Variants in SYN3 observed in about 807,000 individuals in gnomAD.
The protein encoded by SYN3 is synapsin III.
Under a neutral mutation model 65.8 loss-of-function variants are expected in SYN3, and 35 were observed. The observed-to-expected ratio is 0.53, with a 90% CI of 0.41 to 0.70. The LOEUF is 0.70. SYN3 is among the 30% of genes least tolerant of loss of function. The pLI is 0.00. For missense variants in SYN3, 680 were observed against 749.0 expected (o/e 0.91, Z 1.08); for synonymous variants, 270 against 292.9 (o/e 0.92, Z 0.80).
chr22:32,716,160 C>T (rs1219743046), intron 6 of SYN3, among the ~76,000 whole-genome samples: 1 of 152,180 alleles, frequency 6.6e-6, no homozygotes, highest in East Asian at 1.9e-4. Flanking sequence ...TTTCCTTCAG[C>T]GTTTTCCCTG....
chr22:33,027,637 C>CAA (rs150706198), intron 1 of SYN3, among the ~76,000 whole-genome samples: 13 of 149,590 alleles, frequency 8.7e-5, no homozygotes, highest in Middle Eastern at 3.5e-3. Context: ...GACAGACAGA[C>CAA]AGAGAGAGAG....
At chr22:33,029,641 A>G (rs2053714913) in intron 1 of SYN3, among the ~76,000 whole-genome samples, 1 of 152,146 alleles carries the variant, frequency 6.6e-6, no homozygotes, top group African/African-American at 2.4e-5. Context: ...TGGACATTGA[A>G]GCCCAAAATG....
intron 7 of SYN3, among the ~76,000 whole-genome samples, chr22:32,576,069 T>C (rs1159325950): frequency 6.6e-6 from 1 of 152,030 alleles, no homozygotes; most frequent in Non-Finnish European, 1.5e-5. Flanking sequence ...GTATTTGAGA[T>C]GCCCTCATTA....
rs746783982 is a variant in SYN3, at chr22:32,685,406, A to C, written c.712-88670T>G. On this transcript the variant is annotated intron_variant, in intron 6 of 13. Transcript: ENST00000358763. ...ATATAGTCATGTGCCACATAACGACACTGTAGTCAGTGATGAACCGCATAT... is the reference window on the plus strand; with the variant it reads ...ATATAGTCATGTGCCACATAACGACCCTGTAGTCAGTGATGAACCGCATAT... 3.4e-3 allele frequency among the ~76,000 whole-genome samples: 522 copies of C among 152,386 alleles called. 2 individuals are homozygous for C. Among genetic ancestry groups the C allele is most frequent in the Admixed American group, 5.9e-3 (90 of 15,310 alleles).
chr22:32,913,693 C>G (rs2050115871), intron 4 of SYN3, among the ~76,000 whole-genome samples: 1 of 152,082 alleles, frequency 6.6e-6, no homozygotes, highest in Non-Finnish European at 1.5e-5. Context: ...CACAGAAAGC[C>G]TGGCACAGGG....
chr22:33,020,515 A>G (rs944034187), intron 1 of SYN3, among the ~76,000 whole-genome samples: 1 of 152,160 alleles, frequency 6.6e-6, no homozygotes, highest in South Asian at 2.1e-4. Context: ...GATTCTTCCA[A>G]TGGTATAAGG....
At chr22:32,519,201 G>A (rs1031081123) in intron 12 of SYN3, among the ~76,000 whole-genome samples, 1 of 152,146 alleles carries the variant, frequency 6.6e-6, no homozygotes, top group African/African-American at 2.4e-5. Context: ...AATATAGGCA[G>A]GATCTGCGAT....
chr22:32,737,772 C>G (rs1432984087), intron 6 of SYN3, among the ~76,000 whole-genome samples: 2 of 152,194 alleles, frequency 1.3e-5, no homozygotes, highest in Non-Finnish European at 2.9e-5. Context: ...CCCATCCTCC[C>G]TAGAGATCAG....
At chr22:32,890,073 T>C (rs1179908888) in intron 4 of SYN3, among the ~76,000 whole-genome samples, 1 of 40,204 alleles carries the variant, frequency 2.5e-5, no homozygotes, top group Non-Finnish European at 5.3e-5. Flanking sequence ...ATTTAGCTGC[T>C]TTTTTTTTTT....
intron 9 of SYN3, among the ~76,000 whole-genome samples, chr22:32,537,279 C>A (rs1234298585): frequency 2.0e-5 from 3 of 152,144 alleles, no homozygotes; most frequent in Non-Finnish European, 4.4e-5. Context: ...CCTGCCTCAG[C>A]CTCCCGAGTA....
At chr22:32,827,381 C>A (rs1436778324) in intron 6 of SYN3, among the ~76,000 whole-genome samples, 1 of 152,238 alleles carries the variant, frequency 6.6e-6, no homozygotes, top group Non-Finnish European at 1.5e-5. Flanking sequence ...TACCCCGTTT[C>A]CTTGAAATCT....
chr22:33,019,336 C>G (rs144520150), intron 1 of SYN3, among the ~76,000 whole-genome samples: 5 of 152,134 alleles, frequency 3.3e-5, no homozygotes, highest in Non-Finnish European at 7.4e-5. Flanking sequence ...TCCTTCACTG[C>G]CTGGATACCT....
At chr22:32,952,666 G>T (rs912422965) in intron 3 of SYN3, among the ~76,000 whole-genome samples, 2 of 152,076 alleles carry the variant, frequency 1.3e-5, no homozygotes, top group Non-Finnish European at 2.9e-5. Context: ...GAAGCGGAAG[G>T]CTCACTCGAG....
chr22:32,950,650 C>T (rs1168869879), intron 3 of SYN3, among the ~76,000 whole-genome samples: 1 of 152,128 alleles, frequency 6.6e-6, no homozygotes, highest in Non-Finnish European at 1.5e-5. Context: ...TGAGTAAGAA[C>T]AGCCACATAT....
At chr22:32,949,403 G>A (rs546149939) in intron 3 of SYN3, among the ~76,000 whole-genome samples, 6 of 151,708 alleles carry the variant, frequency 4.0e-5, no homozygotes, top group South Asian at 2.1e-4. Flanking sequence ...GAGACAGAGC[G>A]AGACTCTATG....
chr22:32,563,489 G>A (rs1403880671), intron 7 of SYN3, among the ~76,000 whole-genome samples: 1 of 152,178 alleles, frequency 6.6e-6, no homozygotes, highest in African/African-American at 2.4e-5. Context: ...GGACACTCGT[G>A]GAAGATAAAA....
Position 32,683,023 on chromosome 22 carries a change from T to G in SYN3, c.712-86287A>C, listed in dbSNP as rs797007330. ...GCCAAGCTCTTGAAAATATCTACAT[T>G]AGGGTCTTTCCTCCAAGAACTGGAA... On this transcript the variant is annotated intron_variant, in intron 6 of 13. Transcript: ENST00000358763. Among the ~76,000 whole-genome samples the G allele has an allele frequency of 8.5e-4, 130 of 152,186 alleles. 1 individual carries two copies. Among genetic ancestry groups the G allele is most frequent in the Middle Eastern group, 3.4e-3 (1 of 294 alleles).
At chr22:32,600,068 G>A (rs2059259911) in intron 6 of SYN3, among the ~76,000 whole-genome samples, 1 of 152,098 alleles carries the variant, frequency 6.6e-6, no homozygotes, top group Non-Finnish European at 1.5e-5. Flanking sequence ...CCAGAGCATT[G>A]CATTTATTGT....
chr22:32,763,703 G>T (rs935828733), intron 6 of SYN3, among the ~76,000 whole-genome samples: 2 of 152,168 alleles, frequency 1.3e-5, no homozygotes, highest in African/African-American at 2.4e-5. Flanking sequence ...GCCAATGGAG[G>T]ATTCTGCCTT....
Sources: gnomAD v4.1 joint callset for allele counts (sites outside exome capture counted in the v4.1 genomes callset) on GRCh38, gnomAD v4.1.1 for gene constraint, MANE v1.5 for transcripts, NCBI Gene and HGNC (gene_info 2026-07-23, HGNC 2026-07-21) for gene names.